B3GALT1: variants seen among roughly 807,000 people sequenced by gnomAD.
B3GALT1 encodes UDP-Gal:betaGlcNAc beta 1,3-galactosyltransferase, polypeptide 1.
Under a neutral mutation model 23.2 loss-of-function variants are expected in B3GALT1, and 10 were observed. The ratio of observed to expected loss-of-function variants is 0.43; its 90% CI spans 0.27 to 0.73. The LOEUF (loss-of-function observed/expected upper bound fraction) is 0.73, where lower values mean the gene tolerates loss of function less well. Among genes scored for constraint, B3GALT1 ranks in the 30% least tolerant of loss-of-function variants. The pLI is 0.21. For synonymous variants in B3GALT1, 156 were observed against 141.5 expected, an observed-to-expected ratio of 1.10 and a Z score of -0.73; for missense variants, 299 against 405.4, an observed-to-expected ratio of 0.74 and a Z score of 2.25.
intron 3 of B3GALT1, among the ~76,000 whole-genome samples, chr2:167,802,569 G>A (rs956501886): frequency 1.3e-5 from 2 of 152,178 alleles, no homozygotes; most frequent in African/African-American, 2.4e-5. Flanking sequence ...TTTTGCAAAT[G>A]TTTTACTTTG....
chr2:167,655,845 G>C (rs968438071), intron 3 of B3GALT1, among the ~76,000 whole-genome samples: 6 of 152,134 alleles, frequency 3.9e-5, no homozygotes, highest in Admixed American at 6.6e-5. Context: ...CTGTGAGTTA[G>C]TCAAAAGACT....
chr2:167,417,546 T>G (rs1698489690), intron 1 of B3GALT1, among the ~76,000 whole-genome samples: 1 of 152,262 alleles, frequency 6.6e-6, no homozygotes, highest in Admixed American at 6.5e-5. Flanking sequence ...AGTTATGTCA[T>G]TTGACCAGAC....
At chr2:167,645,428 A>C (rs1446026227) in intron 2 of B3GALT1, among the ~76,000 whole-genome samples, 2 of 152,192 alleles carry the variant, frequency 1.3e-5, no homozygotes, top group Non-Finnish European at 2.9e-5. Flanking sequence ...AGAAAGGTAA[A>C]GCTGTGGACA....
intron 4 of B3GALT1, among the ~76,000 whole-genome samples, chr2:167,830,834 C>G (rs112155202): frequency 2.0e-5 from 3 of 152,272 alleles, no homozygotes; most frequent in African/African-American, 7.2e-5. Flanking sequence ...CTGAACTGAC[C>G]GTTCCCAGGA....
chr2:167,349,325 G>T (rs896124430), intron 1 of B3GALT1, among the ~76,000 whole-genome samples: 3 of 152,052 alleles, frequency 2.0e-5, no homozygotes, highest in African/African-American at 7.2e-5. Flanking sequence ...CCCATGAACC[G>T]TCTGTTATCA....
At chr2:167,479,798 G>A (rs752850401) in intron 1 of B3GALT1, among the ~76,000 whole-genome samples, 17 of 152,142 alleles carry the variant, frequency 1.1e-4, no homozygotes, top group South Asian at 2.1e-4. Context: ...TAAGTAATGC[G>A]ATGCTAGCCA....
chr2:167,403,863 G>A (rs1010516188), intron 1 of B3GALT1, among the ~76,000 whole-genome samples: 1 of 152,100 alleles, frequency 6.6e-6, no homozygotes, highest in African/African-American at 2.4e-5. Flanking sequence ...GTTAAGGCCT[G>A]ATCTTGAAAA....
intron 3 of B3GALT1, among the ~76,000 whole-genome samples, chr2:167,759,971 G>A (rs550980224): frequency 6.4e-4 from 97 of 152,154 alleles, no homozygotes; most frequent in Non-Finnish European, 1.1e-3. Context: ...CCTAGGGAAA[G>A]CATAGAATGA....
At chr2:167,373,690 G>C (rs1234891462) in intron 1 of B3GALT1, among the ~76,000 whole-genome samples, 1 of 152,130 alleles carries the variant, frequency 6.6e-6, no homozygotes, top group African/African-American at 2.4e-5. Flanking sequence ...GTTCTGAGTA[G>C]CTGAGATTAC....
At chr2:167,442,148 C>T (rs190331772) in intron 1 of B3GALT1, among the ~76,000 whole-genome samples, 80 of 151,296 alleles carry the variant, frequency 5.3e-4, no homozygotes, top group African/African-American at 1.1e-3. Flanking sequence ...TTTGTTCTTG[C>T]GATAGTTTAC....
Position 167,294,969 on chromosome 2 carries a change from G to A in B3GALT1, c.-511+1635G>A, listed in dbSNP as rs376260756. Among the ~76,000 whole-genome samples the A allele has an allele frequency of 5.3e-5, 8 of 152,172 alleles. No homozygotes were observed. In the East Asian group the frequency reaches 1.3e-3, roughly 26 times the overall value. The stretch of plus-strand genomic sequence containing the variant: ...GAAAATGAAAGTAAGGCACGTAATA[G>A]AAATGCTATAGAAAATCAGGAGGGA... On this transcript the variant is annotated intron_variant, in intron 1 of 4. Coordinates refer to ENST00000392690, the MANE Select transcript of B3GALT1 (RefSeq NM_020981.4).
chr2:167,847,812 C>A (rs1453437116), intron 4 of B3GALT1, among the ~76,000 whole-genome samples: 2 of 151,976 alleles, frequency 1.3e-5, no homozygotes, highest in East Asian at 1.9e-4. Flanking sequence ...AAAGCTGGTT[C>A]TTTCAAAAGA....
intron 3 of B3GALT1, among the ~76,000 whole-genome samples, chr2:167,772,762 C>T (rs1277824777): frequency 6.6e-6 from 1 of 152,174 alleles, no homozygotes; most frequent in Non-Finnish European, 1.5e-5. Context: ...ATGTATGACA[C>T]ACTATGTTAT....
chr2:167,498,891 T>A (rs1699811344), intron 2 of B3GALT1, among the ~76,000 whole-genome samples: 1 of 152,098 alleles, frequency 6.6e-6, no homozygotes, highest in Non-Finnish European at 1.5e-5. Context: ...TGAATTTAAA[T>A]CAGTGTGTTA....
At chr2:167,760,451 TC>T (rs2105297310) in intron 3 of B3GALT1, among the ~76,000 whole-genome samples, 1 of 152,224 alleles carries the variant, frequency 6.6e-6, no homozygotes, top group African/African-American at 2.4e-5. Flanking sequence ...ACAGCAGCAA[TC>T]GTCCTCTGTA....
chr2:167,717,006 A>G (rs1366681947), intron 3 of B3GALT1, among the ~76,000 whole-genome samples: 1 of 152,164 alleles, frequency 6.6e-6, no homozygotes, highest in Non-Finnish European at 1.5e-5. Context: ...ATACATTTAG[A>G]ATAACACTAG....
chr2:167,569,318 C>T (rs1039595216), intron 2 of B3GALT1, among the ~76,000 whole-genome samples: 2 of 151,788 alleles, frequency 1.3e-5, no homozygotes, highest in Non-Finnish European at 2.9e-5. Context: ...TTCCTATCTT[C>T]CTGGTTATTT....
At chr2:167,799,836 G>A (rs1404594934) in intron 3 of B3GALT1, among the ~76,000 whole-genome samples, 7 of 152,030 alleles carry the variant, frequency 4.6e-5, no homozygotes, top group African/African-American at 1.7e-4. Context: ...AAATGTTAAA[G>A]GGCAACCTAA....
chr2:167,871,195 G>A lies in B3GALT1; in HGVS notation c.*1175G>A, dbSNP rs1690339880. On this transcript the variant is annotated 3_prime_UTR_variant, in exon 5 of 5. Coordinates refer to ENST00000392690, the MANE Select transcript of B3GALT1 (RefSeq NM_020981.4). ...CATACTTATTGGGCCATATGAGTAG[G>A]CATCGTAATCTTGTGCTTCAATGTG... is the stretch of plus-strand genomic sequence containing the variant. 1 of 152,132 alleles carries A rather than the reference G, an allele frequency of 6.6e-6. No homozygotes were observed. Among genetic ancestry groups the A allele is most frequent in the South Asian group, 2.1e-4 (1 of 4,834 alleles). 9.4% of individuals were successfully genotyped at this position (152,132 alleles called of 1,614,324 possible). A position where few individuals can be genotyped will look rare whatever the true frequency, so the allele number is the denominator to read the frequency against.
Sources: allele counts gnomAD v4.1 joint callset (sites outside exome capture counted in the v4.1 genomes callset), GRCh38; gene constraint gnomAD v4.1.1; transcripts MANE v1.5; gene names NCBI Gene and HGNC (gene_info 2026-07-23, HGNC 2026-07-21).